The following WDR70 variants were observed in gnomAD, a reference collection of about 807,000 sequenced individuals.
The protein encoded by WDR70 is WD repeat domain 70.
WDR70 carries 53 observed loss-of-function variants against 88.6 expected under a neutral mutation model. That is an observed-to-expected ratio of 0.60 (90% CI 0.48 to 0.75). WDR70 has a LOEUF of 0.75. Ranked by LOEUF, WDR70 falls within the 30% of genes least tolerant of loss-of-function variation. The pLI is 0.00. For missense variants in WDR70, 610 were observed against 823.2 expected, an observed-to-expected ratio of 0.74 and a Z score of 3.17; for synonymous variants, 280 against 270.0, an observed-to-expected ratio of 1.04 and a Z score of -0.36.
At chr5:37,573,782 C>T (rs1444218308) in intron 9 of WDR70, among the ~76,000 whole-genome samples, 3 of 152,070 alleles carry the variant, frequency 2.0e-5, no homozygotes, top group Non-Finnish European at 4.4e-5. Flanking sequence ...TGATCCACAC[C>T]GTTCCACTGA....
At chr5:37,427,873 A>G (rs948966962) in intron 5 of WDR70, among the ~76,000 whole-genome samples, 2 of 151,882 alleles carry the variant, frequency 1.3e-5, no homozygotes, top group African/African-American at 4.9e-5. Context: ...CCGTCTCATA[A>G]AAGAAAAAGA....
intron 10 of WDR70, among the ~76,000 whole-genome samples, chr5:37,678,386 T>C (rs1746304989): frequency 6.6e-6 from 1 of 152,362 alleles, no homozygotes; most frequent in African/African-American, 2.4e-5. Flanking sequence ...TTCTTTTCCA[T>C]GTTTAGTGCT....
At chr5:37,498,871 C>T (rs12523333) in intron 8 of WDR70, among the ~76,000 whole-genome samples, 92,046 of 152,040 alleles carry the variant, frequency 0.61, 29,087 homozygotes, top group Non-Finnish European at 0.7. Context: ...GATTGCTGAT[C>T]GTGTGGTTAG....
chr5:37,719,629 A>G (rs188534008), intron 13 of WDR70, among the ~76,000 whole-genome samples: 2 of 152,256 alleles, frequency 1.3e-5, no homozygotes, highest in African/African-American at 2.4e-5. Context: ...TCAGTGGTAC[A>G]TAGGTTAAGA....
chr5:37,519,397 G>C (rs1198686330), intron 9 of WDR70, among the ~76,000 whole-genome samples: 1 of 150,594 alleles, frequency 6.6e-6, no homozygotes, highest in East Asian at 2.0e-4. Context: ...CAGCCGGGCG[G>C]AGGCGCTCCT....
intron 9 of WDR70, among the ~76,000 whole-genome samples, chr5:37,603,323 C>T (rs1743942384): frequency 6.6e-6 from 1 of 152,126 alleles, no homozygotes; most frequent in Non-Finnish European, 1.5e-5. Flanking sequence ...AACCCAGGTA[C>T]TTACAGCCAA....
intron 7 of WDR70, among the ~76,000 whole-genome samples, chr5:37,448,273 T>TA (rs1452417419): frequency 6.6e-6 from 1 of 152,168 alleles, no homozygotes; most frequent in Non-Finnish European, 1.5e-5. Flanking sequence ...CTTTAAAACT[T>TA]ACTTGGTTTC....
At chr5:37,500,845 C>T (rs1475217454) in intron 8 of WDR70, among the ~76,000 whole-genome samples, 2 of 150,550 alleles carry the variant, frequency 1.3e-5, no homozygotes, top group African/African-American at 2.4e-5. Flanking sequence ...CCTGCCTCAG[C>T]CTCCCGAGTA....
intron 10 of WDR70, among the ~76,000 whole-genome samples, chr5:37,610,980 A>G (rs375982190): frequency 7.9e-5 from 12 of 152,336 alleles, no homozygotes; most frequent in African/African-American, 1.9e-4. Flanking sequence ...CCAGCAAGCT[A>G]ATTTGATATA....
chr5:37,459,163 C>G (rs1246206316), intron 7 of WDR70, among the ~76,000 whole-genome samples: 5 of 69,158 alleles, frequency 7.2e-5, no homozygotes, highest in African/African-American at 2.0e-4. Flanking sequence ...ATCCTGAGTT[C>G]TAGTTTGATT....
Position 37,381,698 on chromosome 5 carries a change from G to A in WDR70, c.175+13G>A. The A allele has an allele frequency of 6.2e-7, 1 of 1,606,518 alleles. No individual in the cohort carries two copies. The highest frequency in any genetic ancestry group is 8.5e-7 in the Non-Finnish European group (1 of 1,174,734). On this transcript the variant is annotated intron_variant, in intron 3 of 17. Transcript: ENST00000265107. ...CGCAAAACACTGGGTAAGAAGCTCA[G>A]ATATTTGTTCTTTTATTGGTTTAAG...
chr5:37,557,465 A>G (rs369340778), intron 9 of WDR70, among the ~76,000 whole-genome samples: 4 of 152,306 alleles, frequency 2.6e-5, no homozygotes, highest in Admixed American at 6.5e-5. Context: ...ACCACTTGCT[A>G]TGTGCCAGGT....
At chr5:37,416,543 C>T (rs1159388601) in intron 5 of WDR70, among the ~76,000 whole-genome samples, 1 of 143,828 alleles carries the variant, frequency 7.0e-6, no homozygotes, top group Admixed American at 6.9e-5. Context: ...AGAGGGAGAT[C>T]GTGGGGAGAG....
intron 8 of WDR70, among the ~76,000 whole-genome samples, chr5:37,490,293 G>T (rs976356904): frequency 1.2e-4 from 19 of 152,288 alleles, no homozygotes; most frequent in African/African-American, 4.6e-4. Flanking sequence ...TTGGGTGGTG[G>T]TTGCAGCAGC....
intron 7 of WDR70, among the ~76,000 whole-genome samples, chr5:37,469,931 TTA>T (rs1034934196): frequency 4.6e-5 from 7 of 152,182 alleles, no homozygotes; most frequent in African/African-American, 1.7e-4. Context: ...TTGGTAATAT[TTA>T]TGTTTCCTAT....
intron 5 of WDR70, among the ~76,000 whole-genome samples, chr5:37,414,207 T>C (rs10078741): frequency 0.11 from 16,404 of 151,486 alleles, 2,900 homozygotes; most frequent in African/African-American, 0.37. Context: ...TCCAAACGTC[T>C]GGTTTCTTCC....
intron 10 of WDR70, among the ~76,000 whole-genome samples, chr5:37,645,145 G>A (rs1745199658): frequency 6.7e-6 from 1 of 149,452 alleles, no homozygotes; most frequent in South Asian, 2.1e-4. Flanking sequence ...TGCTGTTGCT[G>A]TATCCCATAG....
chr5:37,743,426 G>A lies in WDR70; in HGVS notation c.1878-9060G>A, dbSNP rs10078718. 7.5e-3 allele frequency among the ~76,000 whole-genome samples: 1,150 copies of A among 152,350 alleles called. 14 individuals are homozygous for A. Among genetic ancestry groups the A allele is most frequent in the African/African-American group, 0.026 (1,082 of 41,586 alleles). The stretch of plus-strand genomic sequence containing the variant: ...AGCCTACCGAATTCCCAGGGGAAGG[G>A]GTGACCAGCACTGGCTATGGCTGCC... On this transcript the variant is annotated intron_variant, in intron 17 of 17. Transcript: ENST00000265107.
chr5:37,389,345 C>T (rs1417150634), intron 3 of WDR70, among the ~76,000 whole-genome samples: 3 of 150,422 alleles, frequency 2.0e-5, no homozygotes, highest in East Asian at 1.9e-4. Flanking sequence ...CCACCCGCCT[C>T]GGCCTCTCAA....
Sources: allele counts gnomAD v4.1 joint callset (sites outside exome capture counted in the v4.1 genomes callset), GRCh38; gene constraint gnomAD v4.1.1; transcripts MANE v1.5; gene names NCBI Gene and HGNC (gene_info 2026-07-23, HGNC 2026-07-21).